TSPAN18: variants seen among roughly 807,000 people sequenced by gnomAD.
TSPAN18 encodes tetraspanin-18.
In TSPAN18, 14 loss-of-function variants were observed where a neutral mutation model predicts 27.3. That is an observed-to-expected ratio of 0.51 (90% CI 0.34 to 0.80). The LOEUF is 0.80. Ranked by LOEUF, TSPAN18 falls within the 30% of genes least tolerant of loss-of-function variation. The probability of loss-of-function intolerance (pLI) is 0.01; values close to 1 mark genes in which losing one functional copy is unlikely to be tolerated. For synonymous variants in TSPAN18, 143 were observed against 136.5 expected, an observed-to-expected ratio of 1.05 and a Z score of -0.33; for missense variants, 268 against 323.9, an observed-to-expected ratio of 0.83 and a Z score of 1.32.
At chr11:44,907,011 T>C (rs1163353782) in intron 4 of TSPAN18, among the ~76,000 whole-genome samples, 1 of 152,256 alleles carries the variant, frequency 6.6e-6, no homozygotes, top group Non-Finnish European at 1.5e-5. Flanking sequence ...AGTATCTTCA[T>C]CTCTTAATGA....
chr11:44,840,276 G>A (rs576425013), intron 2 of TSPAN18, among the ~76,000 whole-genome samples: 68 of 152,330 alleles, frequency 4.5e-4, no homozygotes, highest in African/African-American at 8.7e-4. Flanking sequence ...GGGAGTGGGG[G>A]AGGCAGCCTT....
At chr11:44,777,576 G>A (rs1403608636) in intron 2 of TSPAN18, among the ~76,000 whole-genome samples, 1 of 152,196 alleles carries the variant, frequency 6.6e-6, no homozygotes, top group Admixed American at 6.5e-5. Flanking sequence ...CAAAGCCCCT[G>A]GGTAGGGCTG....
At position 44,931,053 on chromosome 11, in the gene TSPAN18, C is replaced by A. The variant is rs1860543245; in HGVS notation, c.*1875C>A. 1 of 418,912 alleles carries A rather than the reference C, an allele frequency of 2.4e-6. No individual in the cohort carries two copies. Among genetic ancestry groups the A allele is most frequent in the Non-Finnish European group, 4.8e-6 (1 of 207,484 alleles). 25.9% of individuals were successfully genotyped at this position (418,912 alleles called of 1,614,324 possible). A position where few individuals can be genotyped will look rare whatever the true frequency, so the allele number is the denominator to read the frequency against. ...CCTGCTGCAAAGATTCAGGTGGACC[C>A]TCCTCTAATCTCCTCCTGCTGTGCC... On this transcript the variant is annotated 3_prime_UTR_variant, in exon 10 of 10. Coordinates refer to ENST00000520358, the MANE Select transcript of TSPAN18 (RefSeq NM_130783.5).
chr11:44,827,376 G>C (rs1052255647), intron 2 of TSPAN18, among the ~76,000 whole-genome samples: 61 of 152,316 alleles, frequency 4.0e-4, no homozygotes, highest in African/African-American at 1.4e-3. Context: ...CCCCTGCTGA[G>C]TCTTGGACCC....
chr11:44,735,621 C>CT lies in TSPAN18; in HGVS notation c.-240+8350dup, dbSNP rs797010014. Among the ~76,000 whole-genome samples the CT allele has an allele frequency of 6.6e-3, 921 of 140,544 alleles. 4 individuals are homozygous for CT. Among genetic ancestry groups the CT allele is most frequent in the African/African-American group, 0.016 (619 of 38,500 alleles). 92.2% of individuals were successfully genotyped at this position (140,544 alleles called of 152,430 possible). A position where few individuals can be genotyped will look rare whatever the true frequency, so the allele number is the denominator to read the frequency against. On this transcript the variant is annotated intron_variant, in intron 1 of 9. Transcript: ENST00000520358. The stretch of plus-strand genomic sequence containing the variant: ...TTAGGGTCCACCCTAATGACCTCCT[C>CT]TTTTTTTTTTTTTTTTAGGCGGAGT...
chr11:44,927,664 T>C (rs1359967536), intron 9 of TSPAN18, among the ~76,000 whole-genome samples: 1 of 152,228 alleles, frequency 6.6e-6, no homozygotes, highest in African/African-American at 2.4e-5. Context: ...AGCACTGTTA[T>C]AGTTGAACAA....
At chr11:44,755,060 T>C (rs1855301137) in intron 1 of TSPAN18, among the ~76,000 whole-genome samples, 2 of 152,092 alleles carry the variant, frequency 1.3e-5, no homozygotes, top group African/African-American at 4.8e-5. Flanking sequence ...GGGAAATGAT[T>C]CTTAACAGCA....
At chr11:44,762,077 C>T (rs1352784749) in intron 1 of TSPAN18, among the ~76,000 whole-genome samples, 1 of 152,196 alleles carries the variant, frequency 6.6e-6, no homozygotes, top group Non-Finnish European at 1.5e-5. Context: ...AGTTTGTCAG[C>T]ACTACCCAAA....
At chr11:44,885,514 AT>A (rs1858619198) in intron 3 of TSPAN18, among the ~76,000 whole-genome samples, 2 of 150,668 alleles carry the variant, frequency 1.3e-5, no homozygotes, top group Non-Finnish European at 3.0e-5. Flanking sequence ...AGGATGAGGC[AT>A]TTCTCAGCTT....
chr11:44,766,933 G>A (rs1244374245), intron 2 of TSPAN18, among the ~76,000 whole-genome samples: 1 of 152,186 alleles, frequency 6.6e-6, no homozygotes, highest in Non-Finnish European at 1.5e-5. Flanking sequence ...GCACCCCACA[G>A]GGTGGTTGTA....
chr11:44,929,082 AAGGG>A (rs1489616944), intron 9 of TSPAN18, 45 bp from the exon 10 acceptor site: 1 of 1,611,362 alleles, frequency 6.2e-7, no homozygotes, highest in Non-Finnish European at 8.5e-7. Context: ...GCAGCCCACA[AAGGG>A]CCCAGCCTGA....
chr11:44,726,439 C>T (rs1457009836), upstream of TSPAN18: 1 of 152,224 alleles, frequency 6.6e-6, no homozygotes, highest in East Asian at 1.9e-4. Context: ...GACCTGGGGT[C>T]AGGCCCCTCC....
At position 44,734,483 on chromosome 11, in the gene TSPAN18, C is replaced by T. The variant is rs1326892504; in HGVS notation, c.-240+7196C>T. Among the ~76,000 whole-genome samples the T allele has an allele frequency of 3.3e-5, 5 of 152,228 alleles. No individual in the cohort carries two copies. In the South Asian group the frequency reaches 8.3e-4, roughly 25 times the overall value. The stretch of plus-strand genomic sequence containing the variant: ...CAAGTGCCTGGCACATAGTAGGTGT[C>T]GTGTTTGCACCTCTTCTCTCCCCCT... On this transcript the variant is annotated intron_variant, in intron 1 of 9. Transcript: ENST00000520358.
In TSPAN18 at chr11:44,867,390, T is replaced by C. The variant is rs930428908; in HGVS notation, c.-11+6921T>C. ...CTGGAGAAGGCTTGGTTTATGAATC[T>C]TTTTTTTTTTTTTTTTTTTTTTTTT... is the stretch of plus-strand genomic sequence containing the variant. On this transcript the variant is annotated intron_variant, in intron 3 of 9. Transcript: ENST00000520358. Among the ~76,000 whole-genome samples, 3 of 4,936 alleles carry C rather than the reference T, an allele frequency of 6.1e-4. No individual in the cohort carries two copies. In the South Asian group the frequency reaches 0.028, roughly 46 times the overall value. 3.2% of individuals were successfully genotyped at this position (4,936 alleles called of 152,430 possible).
Position 44,919,322 on chromosome 11 carries a change from G to A in TSPAN18, c.432+10G>A, listed in dbSNP as rs11038214. 0.13 allele frequency: 214,192 copies of A among 1,607,982 alleles called. 15,362 individuals are homozygous for A. Among genetic ancestry groups the A allele is most frequent in the African/African-American group, 0.22 (16,429 of 74,878 alleles). The stretch of plus-strand genomic sequence containing the variant: ...CTCGGTCATGATCACAGTGAGTGAC[G>A]CCCCAGAGATGCTATGAACATTCAG... On this transcript the variant is annotated intron_variant, in intron 7 of 9. Coordinates refer to ENST00000520358, the MANE Select transcript of TSPAN18 (RefSeq NM_130783.5).
At position 44,846,578 on chromosome 11, in the gene TSPAN18, T is replaced by C. The variant is rs1362106517; in HGVS notation, c.-152-13750T>C. On this transcript the variant is annotated intron_variant, in intron 2 of 9. Transcript: ENST00000520358. The stretch of plus-strand genomic sequence containing the variant: ...AAACAGTCTGCTCTGGGCTGGGCTC[T>C]TCCAAGAGGCTGTCTGTGTGTGTGT... Among the ~76,000 whole-genome samples, 6 of 143,596 alleles carry C rather than the reference T, an allele frequency of 4.2e-5. No homozygotes were observed. The South Asian group carries it at 1.4e-3, about 32-fold the overall frequency. The allele number at this position is 143,596 out of a possible 152,430, so 94.2% of individuals were successfully genotyped here.
At chr11:44,803,056 TAA>T (rs1333195382) in intron 2 of TSPAN18, among the ~76,000 whole-genome samples, 3 of 152,144 alleles carry the variant, frequency 2.0e-5, no homozygotes, top group Non-Finnish European at 4.4e-5. Context: ...TACTAGGTGT[TAA>T]AAGTTATTCA....
intron 2 of TSPAN18, among the ~76,000 whole-genome samples, chr11:44,799,463 C>T (rs1405299074): frequency 2.6e-5 from 4 of 152,208 alleles, no homozygotes; most frequent in Non-Finnish European, 2.9e-5. Context: ...CCCCATTCAA[C>T]TGCATTTCAA....
chr11:44,826,363 A>G (rs1201701713), intron 2 of TSPAN18, among the ~76,000 whole-genome samples: 1 of 152,244 alleles, frequency 6.6e-6, no homozygotes, highest in African/African-American at 2.4e-5. Flanking sequence ...GGCAGAGGTT[A>G]CACTGAGTCG....
Sources: allele counts gnomAD v4.1 joint callset (sites outside exome capture counted in the v4.1 genomes callset), GRCh38; gene constraint gnomAD v4.1.1; transcripts MANE v1.5; gene names NCBI Gene and HGNC (gene_info 2026-07-23, HGNC 2026-07-21).